The following BICD1 variants were observed in gnomAD, a reference collection of about 807,000 sequenced individuals.
BICD1 encodes BICD cargo adaptor 1.
A neutral mutation model predicts 92.5 loss-of-function variants in BICD1; 35 were observed. That is an observed-to-expected ratio of 0.38 (90% CI 0.29 to 0.50). The LOEUF (loss-of-function observed/expected upper bound fraction) is 0.50. Ranked by LOEUF, BICD1 falls within the 20% of genes least tolerant of loss-of-function variation. The probability of loss-of-function intolerance (pLI) is 0.93; values close to 1 mark genes in which losing one functional copy is unlikely to be tolerated. For missense variants in BICD1, 950 were observed against 1,189.8 expected, an observed-to-expected ratio of 0.80 and a Z score of 2.97; for synonymous variants, 429 against 465.1, an observed-to-expected ratio of 0.92 and a Z score of 1.00.
At chr12:32,243,827 T>G (rs900959774) in intron 2 of BICD1, among the ~76,000 whole-genome samples, 1 of 152,190 alleles carries the variant, frequency 6.6e-6, no homozygotes, top group African/African-American at 2.4e-5. Flanking sequence ...CTACCTGTTT[T>G]CGTGGCTTTT....
intron 1 of BICD1, among the ~76,000 whole-genome samples, chr12:32,182,006 C>T (rs1944284944): frequency 6.6e-6 from 1 of 151,932 alleles, no homozygotes; most frequent in Non-Finnish European, 1.5e-5. Context: ...ACTAACATTG[C>T]AGCTGCTTTT....
chr12:32,372,324 A>G (rs1010679139), intron 9 of BICD1, among the ~76,000 whole-genome samples: 1 of 152,144 alleles, frequency 6.6e-6, no homozygotes, highest in Non-Finnish European at 1.5e-5. Flanking sequence ...TACTAAAAAT[A>G]CAGAAATTAG....
chr12:32,278,697 C>CA (rs1223719434), intron 2 of BICD1, among the ~76,000 whole-genome samples: 3 of 151,246 alleles, frequency 2.0e-5, no homozygotes, highest in Non-Finnish European at 2.9e-5. Context: ...ACTAAAAATA[C>CA]AAAAAAAAAT....
At chr12:32,196,190 G>A (rs1232075324) in intron 1 of BICD1, among the ~76,000 whole-genome samples, 1 of 152,064 alleles carries the variant, frequency 6.6e-6, no homozygotes, top group Non-Finnish European at 1.5e-5. Flanking sequence ...GTATATTGTT[G>A]GTGGAAATAT....
intron 1 of BICD1, among the ~76,000 whole-genome samples, chr12:32,123,527 G>C (rs1206671326): frequency 6.6e-6 from 1 of 152,204 alleles, no homozygotes; most frequent in Non-Finnish European, 1.5e-5. Flanking sequence ...TTTAATAGGT[G>C]GTTATGGTAT....
rs534092957 is a variant in BICD1 at position 32,159,605 on chromosome 12, G to A, written c.213+52061G>A. On this transcript the variant is annotated intron_variant, in intron 1 of 9. Coordinates refer to ENST00000652176, the MANE Select transcript of BICD1 (RefSeq NM_001714.4). ...CCAAAGGAACGTTCTGGCGAGAAATGTGCAGAGAGAATCAGTTCGCCAGCA... is the reference window on the plus strand; with the variant it reads ...CCAAAGGAACGTTCTGGCGAGAAATATGCAGAGAGAATCAGTTCGCCAGCA... 2.3e-4 allele frequency among the ~76,000 whole-genome samples: 35 copies of A among 152,262 alleles called. No individual in the cohort carries two copies. The Middle Eastern group carries it at 0.014, about 59-fold the overall frequency.
intron 1 of BICD1, among the ~76,000 whole-genome samples, chr12:32,119,697 C>T (rs1336591003): frequency 6.6e-6 from 1 of 152,158 alleles, no homozygotes; most frequent in East Asian, 1.9e-4. Flanking sequence ...CGTGGCGAAA[C>T]CCCATCTCTA....
At chr12:32,362,056 C>T (rs73303949) in intron 8 of BICD1, among the ~76,000 whole-genome samples, 3,599 of 152,304 alleles carry the variant, frequency 0.024, 137 homozygotes, top group African/African-American at 0.081. Context: ...AAGGCATTGA[C>T]TTTTAGAAAA....
intron 4 of BICD1, among the ~76,000 whole-genome samples, chr12:32,316,684 ACTT>A (rs745430227): frequency 6.6e-6 from 1 of 150,758 alleles, no homozygotes; most frequent in Non-Finnish European, 1.5e-5. Flanking sequence ...TACATTTTGC[ACTT>A]CTTTTTTTTT....
intron 4 of BICD1, among the ~76,000 whole-genome samples, chr12:32,307,265 A>G (rs1381411131): frequency 2.0e-5 from 3 of 152,330 alleles, no homozygotes; most frequent in East Asian, 1.9e-4. Flanking sequence ...CAGAACAGGT[A>G]TAATCTAAGA....
At chr12:32,175,055 A>G (rs555217824) in intron 1 of BICD1, among the ~76,000 whole-genome samples, 2 of 152,214 alleles carry the variant, frequency 1.3e-5, no homozygotes, top group African/African-American at 4.8e-5. Flanking sequence ...AAAGCTATTG[A>G]TTTTTTTCCT....
chr12:32,174,932 T>C (rs1334531647), intron 1 of BICD1, among the ~76,000 whole-genome samples: 4 of 152,250 alleles, frequency 2.6e-5, no homozygotes, highest in Non-Finnish European at 5.9e-5. Flanking sequence ...ATTTTAAATA[T>C]GCGTTTTGTT....
chr12:32,211,867 C>T (rs1396620263), intron 1 of BICD1, among the ~76,000 whole-genome samples: 5 of 152,184 alleles, frequency 3.3e-5, no homozygotes, highest in Non-Finnish European at 5.9e-5. Context: ...TCAGAACCTT[C>T]CCCTCCAGAG....
chr12:32,187,625 T>C (rs1273672938), intron 1 of BICD1, among the ~76,000 whole-genome samples: 3 of 151,922 alleles, frequency 2.0e-5, no homozygotes, highest in Non-Finnish European at 2.9e-5. Flanking sequence ...TGAGCCAAGA[T>C]TGTGCCCCCG....
intron 1 of BICD1, among the ~76,000 whole-genome samples, chr12:32,176,650 A>G (rs1288397402): frequency 6.6e-6 from 1 of 152,214 alleles, no homozygotes; most frequent in Non-Finnish European, 1.5e-5. Context: ...ATTTCATACA[A>G]ATCAAATCAT....
intron 1 of BICD1, among the ~76,000 whole-genome samples, chr12:32,135,374 C>T (rs1942696494): frequency 7.0e-6 from 1 of 142,242 alleles, no homozygotes. Flanking sequence ...AGGCATGAGC[C>T]ACCATGCGTG....
intron 8 of BICD1, chr12:32,340,486 T>TAGC (rs1232828275): frequency 1.0e-6 from 1 of 983,972 alleles, no homozygotes; most frequent in Non-Finnish European, 1.2e-6. Flanking sequence ...ATGGATTTAG[T>TAGC]AGCACTATCT....
At chr12:32,374,911 T>C (rs1298804986) in intron 9 of BICD1, among the ~76,000 whole-genome samples, 1 of 26,804 alleles carries the variant, frequency 3.7e-5, no homozygotes, top group Admixed American at 3.2e-4. Flanking sequence ...TTTATTTTCC[T>C]TTTTTTTTTT....
intron 2 of BICD1, among the ~76,000 whole-genome samples, chr12:32,227,051 C>A (rs755005855): frequency 2.6e-4 from 39 of 152,216 alleles, no homozygotes; most frequent in African/African-American, 9.4e-4. Context: ...GGCTGCCAGA[C>A]CAAGGGAGCT....
Sources: allele counts gnomAD v4.1 joint callset (sites outside exome capture counted in the v4.1 genomes callset), GRCh38; gene constraint gnomAD v4.1.1; transcripts MANE v1.5; gene names NCBI Gene and HGNC (gene_info 2026-07-23, HGNC 2026-07-21).